CAMSAP1: variants seen among roughly 807,000 people sequenced by gnomAD.
CAMSAP1 encodes calmodulin regulated spectrin associated protein 1.
Under a neutral mutation model 143.5 loss-of-function variants are expected in CAMSAP1, and 58 were observed. That is an observed-to-expected ratio of 0.40 (90% confidence interval 0.33 to 0.50). The LOEUF is 0.50. Ranked by LOEUF, CAMSAP1 falls within the 20% of genes least tolerant of loss-of-function variation. The probability of loss-of-function intolerance (pLI) is 0.45; values close to 1 mark genes in which losing one functional copy is unlikely to be tolerated. For missense variants in CAMSAP1, 1,969 were observed against 2,115.7 expected, an observed-to-expected ratio of 0.93 and a Z score of 1.36; for synonymous variants, 945 against 859.3, an observed-to-expected ratio of 1.10 and a Z score of -1.74.
At chr9:135,870,651 C>A (rs373740704) in intron 3 of CAMSAP1, among the ~76,000 whole-genome samples, 9 of 152,034 alleles carry the variant, frequency 5.9e-5, no homozygotes, top group African/African-American at 2.2e-4. Context: ...AAAAATTACC[C>A]AGGCACAGTA....
chr9:135,873,474 A>G (rs1837631931), intron 3 of CAMSAP1, among the ~76,000 whole-genome samples: 1 of 152,168 alleles, frequency 6.6e-6, no homozygotes, highest in South Asian at 2.1e-4. Flanking sequence ...GAAATTAAGT[A>G]TTAAATAGAG....
intron 7 of CAMSAP1, among the ~76,000 whole-genome samples, chr9:135,844,391 C>A (rs180691312): frequency 2.6e-5 from 4 of 152,254 alleles, no homozygotes; most frequent in Admixed American, 2.6e-4. Context: ...TAAAGAAGTT[C>A]TTTGAAACAA....
At chr9:135,865,378 G>T in intron 4 of CAMSAP1, 2 of 1,550,746 alleles carry the variant, frequency 1.3e-6, no homozygotes, top group Non-Finnish European at 1.7e-6. Flanking sequence ...CTCAGGAAGC[G>T]AGAGAAGGAA....
Position 135,818,030 on chromosome 9 carries a change from A to C in CAMSAP1, c.4218T>G (p.Ser1406=). The C allele has an allele frequency of 6.2e-7, 1 of 1,613,910 alleles. No individual in the cohort carries two copies. The highest frequency in any genetic ancestry group is 8.5e-7 in the Non-Finnish European group (1 of 1,179,868). Residue 1406 remains serine (S), a synonymous_variant, in exon 14 of 17, where the codon TCT becomes TCG. Transcript: ENST00000389532. This position sits in a 1 kb window ranked among gnomAD's most constrained non-coding sequence, Gnocchi z 7.7. ...CGCTCTCGGGTTCTGTCGTCGCCGC[A>C]GAGGCCAAGGACAGGCTGGAGCCTG... ...TQSGSSLSLA[S]AATTEPESVH...
intron 3 of CAMSAP1, among the ~76,000 whole-genome samples, chr9:135,871,826 G>C (rs1837579724): frequency 6.6e-6 from 1 of 152,138 alleles, no homozygotes; most frequent in Admixed American, 6.5e-5. Context: ...GTCCTGGCCA[G>C]GCGTGGTGGC....
Position 135,811,751 on chromosome 9 carries a change from A to ATTGTTT in CAMSAP1, c.4507-141_4507-140insAAACAA. The stretch of plus-strand genomic sequence containing the variant: ...CGTCAGCTACGGCCTGCCTGTTGTA[A>ATTGTTT]ACAATTACAGCAGACCCCTGTACGG... On this transcript the variant is annotated intron_variant, in intron 16 of 16. Transcript: ENST00000389532. The surrounding 1 kb of genome is among the most constrained non-coding windows in gnomAD (Gnocchi z 4.9). 1.3e-6 allele frequency: 1 copy of ATTGTTT among 752,268 alleles called. No homozygotes were observed. The highest frequency in any genetic ancestry group is 2.2e-6 in the Non-Finnish European group (1 of 464,188). 46.6% of individuals were successfully genotyped at this position (752,268 alleles called of 1,614,324 possible).
In CAMSAP1 at chr9:135,845,575, T is replaced by C. The variant is rs1836521755; in HGVS notation, c.1045+4562A>G. 2.0e-5 allele frequency among the ~76,000 whole-genome samples: 3 copies of C among 152,186 alleles called. No individual in the cohort carries two copies. In the South Asian group the frequency reaches 6.2e-4, roughly 32 times the overall value. On this transcript the variant is annotated intron_variant, in intron 7 of 16. Transcript: ENST00000389532. Reference sequence around the variant, plus strand: ...TCAAATAGGAAGAAAGGAAGTCAAATTGTCTCTGTTTGCAGATGACATGAT... The same window carrying C: ...TCAAATAGGAAGAAAGGAAGTCAAACTGTCTCTGTTTGCAGATGACATGAT...
chr9:135,836,245 C>T (rs916265018), intron 7 of CAMSAP1: 8 of 985,108 alleles, frequency 8.1e-6, no homozygotes, highest in African/African-American at 7.0e-5. Context: ...TACAGAAACA[C>T]GTCACCACCT....
At chr9:135,879,082 G>T (rs75002367) in intron 3 of CAMSAP1, among the ~76,000 whole-genome samples, 2,064 of 152,264 alleles carry the variant, frequency 0.014, 50 homozygotes, top group African/African-American at 0.047. Context: ...TGCAACCGCA[G>T]GGGAATGAGG....
At chr9:135,890,906 C>A (rs990967194) in intron 1 of CAMSAP1, among the ~76,000 whole-genome samples, 7 of 152,188 alleles carry the variant, frequency 4.6e-5, no homozygotes, top group African/African-American at 1.7e-4. Context: ...TCCAAGACAG[C>A]CCCTCTCTCC....
At chr9:135,843,186 G>C (rs961263763) in intron 7 of CAMSAP1, among the ~76,000 whole-genome samples, 2 of 152,114 alleles carry the variant, frequency 1.3e-5, no homozygotes, top group South Asian at 2.1e-4. Flanking sequence ...AATTAGCCAG[G>C]TGTGGTGGCA....
At chr9:135,828,119 G>A (rs1835739985) in intron 7 of CAMSAP1, among the ~76,000 whole-genome samples, 1 of 152,252 alleles carries the variant, frequency 6.6e-6, no homozygotes, top group African/African-American at 2.4e-5. Flanking sequence ...GTCAGGTGAG[G>A]TGCTGAGCCT....
At chr9:135,888,790 G>A (rs557552161) in intron 1 of CAMSAP1, among the ~76,000 whole-genome samples, 2 of 152,374 alleles carry the variant, frequency 1.3e-5, no homozygotes, top group Non-Finnish European at 2.9e-5. Context: ...CCATCCTGGA[G>A]AGGCCAGACA....
Position 135,815,077 on chromosome 9 carries a change from G to A in CAMSAP1, c.4506+20C>T, listed in dbSNP as rs780981823. The A allele has an allele frequency of 2.6e-6, 4 of 1,529,894 alleles. No homozygotes were observed. The highest frequency in any genetic ancestry group is 3.6e-6 in the Non-Finnish European group (4 of 1,107,486). 94.8% of individuals were successfully genotyped at this position (1,529,894 alleles called of 1,614,324 possible). A position where few individuals can be genotyped will look rare whatever the true frequency, so the allele number is the denominator to read the frequency against. Reference sequence around the variant, plus strand: ...ACTTTTTATTCCACATAAAAACTGAGGTTGAAACATGATACTTGCCTCCAA... The same window carrying A: ...ACTTTTTATTCCACATAAAAACTGAAGTTGAAACATGATACTTGCCTCCAA... On this transcript the variant is annotated intron_variant, in intron 16 of 16. Transcript: ENST00000389532.
chr9:135,878,048 C>T (rs1277619134), intron 3 of CAMSAP1, among the ~76,000 whole-genome samples: 2 of 152,160 alleles, frequency 1.3e-5, no homozygotes, highest in Non-Finnish European at 2.9e-5. Context: ...GAAAGCGCTT[C>T]CATCTAGTTA....
At chr9:135,862,681 G>T in intron 4 of CAMSAP1, 73 bp from the exon 5 acceptor site, 1 of 1,445,036 alleles carries the variant, frequency 6.9e-7, no homozygotes, top group Non-Finnish European at 9.5e-7. Flanking sequence ...CAGGCACACT[G>T]TTAGATCGAG....
intron 7 of CAMSAP1, among the ~76,000 whole-genome samples, chr9:135,833,552 A>G (rs1241629862): frequency 6.6e-6 from 1 of 152,210 alleles, no homozygotes; most frequent in African/African-American, 2.4e-5. Flanking sequence ...CCAAAAATAC[A>G]CCATGGGGAA....
intron 7 of CAMSAP1, among the ~76,000 whole-genome samples, chr9:135,828,587 A>G (rs763756940): frequency 6.6e-6 from 1 of 152,214 alleles, no homozygotes; most frequent in Admixed American, 6.5e-5. Flanking sequence ...ACTATGACTC[A>G]TGGCATACAA....
At position 135,818,898 on chromosome 9, in the gene CAMSAP1, T is replaced by C; in HGVS notation, c.3959+112A>G. The C allele has an allele frequency of 6.8e-7, 1 of 1,475,998 alleles. No homozygotes were observed. Among genetic ancestry groups the C allele is most frequent in the South Asian group, 1.2e-5 (1 of 80,640 alleles). The allele number at this position is 1,475,998 out of a possible 1,614,324, so 91.4% of individuals were successfully genotyped here. On this transcript the variant is annotated intron_variant, in intron 12 of 16. Coordinates refer to ENST00000389532, the MANE Select transcript of CAMSAP1 (RefSeq NM_015447.4). The surrounding 1 kb of genome is among the most constrained non-coding windows in gnomAD (Gnocchi z 7.7). ...GTGGTCCATGGGAGGAGTAAGACCG[T>C]CACAGGCACTCATTGCCATGGTCCA...
Sources: allele counts gnomAD v4.1 joint callset (sites outside exome capture counted in the v4.1 genomes callset), GRCh38; gene constraint gnomAD v4.1.1; non-coding constraint Gnocchi (gnomAD v3.1); transcripts MANE v1.5; gene names NCBI Gene and HGNC (gene_info 2026-07-23, HGNC 2026-07-21).